FGGY: variants seen among roughly 807,000 people sequenced by gnomAD.
FGGY encodes the protein FGGY carbohydrate kinase domain containing.
In FGGY, 72 loss-of-function variants were observed where a neutral mutation model predicts 71.3. That is an observed-to-expected ratio of 1.01 (90% CI 0.84 to 1.23). The LOEUF is 1.23. FGGY is among the 50% of genes most tolerant of loss of function. The probability of loss-of-function intolerance (pLI) is 0.00; values close to 1 mark genes in which losing one functional copy is unlikely to be tolerated. For synonymous variants in FGGY, 251 were observed against 250.3 expected, an observed-to-expected ratio of 1.00 and a Z score of -0.02; for missense variants, 668 against 682.3, an observed-to-expected ratio of 0.98 and a Z score of 0.23.
intron 6 of FGGY, among the ~76,000 whole-genome samples, chr1:59,499,299 G>GTGTTTTTTTT (rs2094145721): frequency 9.5e-6 from 1 of 105,804 alleles, no homozygotes; most frequent in African/African-American, 3.9e-5. Context: ...TACTATGTTT[G>GTGTTTTTTTT]TTTTTTTTTT....
At position 59,400,831 on chromosome 1, in the gene FGGY, G is replaced by A. The variant is rs563920642; in HGVS notation, c.554+21994G>A. On this transcript the variant is annotated intron_variant, in intron 5 of 15. Coordinates refer to ENST00000303721, the MANE Select transcript of FGGY (RefSeq NM_018291.5). ...CTGTCACCCAGGCTCAAGTGCAGTG[G>A]CGTGATCATGGCTCACTGCAGCCTT... is the stretch of plus-strand genomic sequence containing the variant. Among the ~76,000 whole-genome samples the A allele has an allele frequency of 2.0e-5, 3 of 151,970 alleles. No individual in the cohort carries two copies. In the South Asian group the frequency reaches 6.2e-4, roughly 32 times the overall value.
chr1:59,351,121 A>T (rs547370962), intron 4 of FGGY, among the ~76,000 whole-genome samples: 119 of 152,348 alleles, frequency 7.8e-4, no homozygotes, highest in Non-Finnish European at 1.0e-3. Flanking sequence ...GGCCGTAAGT[A>T]AAGTTTGATT....
chr1:59,461,123 G>A (rs1272705852), intron 6 of FGGY, among the ~76,000 whole-genome samples: 2 of 152,094 alleles, frequency 1.3e-5, no homozygotes, highest in African/African-American at 2.4e-5. Context: ...AAACTTCTCC[G>A]AGCTAAAGGA....
chr1:59,591,973 A>C (rs1245704257), intron 8 of FGGY, among the ~76,000 whole-genome samples: 2 of 152,214 alleles, frequency 1.3e-5, no homozygotes, highest in East Asian at 3.8e-4. Context: ...TCTGCACAGC[A>C]AAAGAAACTA....
intron 14 of FGGY, among the ~76,000 whole-genome samples, chr1:59,726,312 T>C (rs1221841201): frequency 6.6e-6 from 1 of 152,050 alleles, no homozygotes; most frequent in African/African-American, 2.4e-5. Context: ...CTTTTACACG[T>C]TGTTGGATTG....
At chr1:59,604,564 C>T (rs575598690) in intron 8 of FGGY, among the ~76,000 whole-genome samples, 82 of 152,320 alleles carry the variant, frequency 5.4e-4, no homozygotes, top group African/African-American at 1.9e-3. Context: ...AGTCTTGCTG[C>T]AGCTGATGCA....
At chr1:59,577,868 G>T (rs1257370524) in intron 8 of FGGY, among the ~76,000 whole-genome samples, 5 of 152,008 alleles carry the variant, frequency 3.3e-5, no homozygotes. Context: ...AATTTATTTA[G>T]CCCTAGCCAG....
intron 14 of FGGY, among the ~76,000 whole-genome samples, chr1:59,738,153 A>C (rs1449330142): frequency 6.6e-6 from 1 of 152,240 alleles, no homozygotes; most frequent in Non-Finnish European, 1.5e-5. Context: ...GCTGTGCTAA[A>C]GGTAATAGGC....
At chr1:59,482,670 C>G (rs2093530874) in intron 6 of FGGY, among the ~76,000 whole-genome samples, 1 of 148,836 alleles carries the variant, frequency 6.7e-6, no homozygotes, top group African/African-American at 2.5e-5. Flanking sequence ...TATTCTGTGT[C>G]TTTTATATAT....
In FGGY at chr1:59,565,679, G is replaced by C. The variant is rs553192181; in HGVS notation, c.903+11452G>C. Among the ~76,000 whole-genome samples the C allele has an allele frequency of 9.8e-5, 15 of 152,302 alleles. No homozygotes were observed. The South Asian group carries it at 2.5e-3, about 25-fold the overall frequency. On this transcript the variant is annotated intron_variant, in intron 8 of 15. Coordinates refer to ENST00000303721, the MANE Select transcript of FGGY (RefSeq NM_018291.5). ...AATGATGAGACACAGGCTGTGGGAT[G>C]GGTTGACCATAAACACACGTGTTTT...
rs559494607 is a variant in FGGY, at chr1:59,653,273, G to C, written c.1222-6946G>C. Among the ~76,000 whole-genome samples, 31 of 152,356 alleles carry C rather than the reference G, an allele frequency of 2.0e-4. 1 individual carries two copies. The South Asian group carries it at 6.4e-3, about 32-fold the overall frequency. On this transcript the variant is annotated intron_variant, in intron 11 of 15. Transcript: ENST00000303721. ...AGGCAGGCCTCCTTGAGCTGTGGTG[G>C]ACTCCACCCAGTTCGAGCTTTTGGG...
At chr1:59,683,735 T>A (rs2097523821) in intron 14 of FGGY, among the ~76,000 whole-genome samples, 1 of 152,224 alleles carries the variant, frequency 6.6e-6, no homozygotes, top group Non-Finnish European at 1.5e-5. Context: ...AGCTGCTCCT[T>A]ACTAAGTAAA....
At chr1:59,339,482 G>A (rs2050222587) in intron 2 of FGGY, among the ~76,000 whole-genome samples, 1 of 148,352 alleles carries the variant, frequency 6.7e-6, no homozygotes, top group South Asian at 2.1e-4. Flanking sequence ...ATTTTTTTTT[G>A]AGATGGAGTT....
intron 5 of FGGY, among the ~76,000 whole-genome samples, chr1:59,420,197 TTC>T (rs66715720): frequency 0.096 from 14,559 of 152,106 alleles, 1,078 homozygotes; most frequent in African/African-American, 0.21. Flanking sequence ...TGTGTGTAGC[TTC>T]TCTCTCTCTG....
intron 11 of FGGY, among the ~76,000 whole-genome samples, chr1:59,639,758 T>C (rs895699183): frequency 2.6e-5 from 4 of 152,220 alleles, no homozygotes; most frequent in Non-Finnish European, 2.9e-5. Flanking sequence ...GTCATTGCTC[T>C]GGAGGTCATT....
intron 5 of FGGY, among the ~76,000 whole-genome samples, chr1:59,408,224 C>CAGAT (rs1416824715): frequency 6.6e-6 from 1 of 152,182 alleles, no homozygotes; most frequent in Non-Finnish European, 1.5e-5. Context: ...GCATAAATAG[C>CAGAT]AGATAGCACA....
At chr1:59,504,617 A>G (rs574536695) in intron 6 of FGGY, among the ~76,000 whole-genome samples, 14 of 152,380 alleles carry the variant, frequency 9.2e-5, no homozygotes, top group African/African-American at 2.9e-4. Context: ...GTGTAAGACC[A>G]GAGGAAAAAC....
chr1:59,663,322 G>A (rs778565814), intron 12 of FGGY, among the ~76,000 whole-genome samples: 10 of 152,164 alleles, frequency 6.6e-5, no homozygotes, highest in Admixed American at 5.2e-4. Flanking sequence ...ATTTTCCTTT[G>A]ATCTGTTTGT....
chr1:59,323,055 T>C (rs116227218), intron 2 of FGGY, among the ~76,000 whole-genome samples: 89 of 152,258 alleles, frequency 5.8e-4, no homozygotes, highest in African/African-American at 2.1e-3. Context: ...CAGAGCATTA[T>C]ACAGGAATAA....
Sources: gnomAD v4.1 joint callset for allele counts (sites outside exome capture counted in the v4.1 genomes callset) on GRCh38, gnomAD v4.1.1 for gene constraint, MANE v1.5 for transcripts, NCBI Gene and HGNC (gene_info 2026-07-23, HGNC 2026-07-21) for gene names.